Variants in SLC7A6 observed in about 807,000 individuals in gnomAD.
SLC7A6 encodes the protein solute carrier family 7 member 6.
In SLC7A6, 29 loss-of-function variants were observed where a neutral mutation model predicts 46.6. The ratio of observed to expected loss-of-function variants is 0.62; its 90% CI spans 0.46 to 0.85. The LOEUF (loss-of-function observed/expected upper bound fraction) is 0.85. Ranked by LOEUF, SLC7A6 falls within the 40% of genes least tolerant of loss-of-function variation. The pLI is 0.00. For synonymous variants in SLC7A6, 276 were observed against 257.3 expected, an observed-to-expected ratio of 1.07 and a Z score of -0.70; for missense variants, 527 against 647.6, an observed-to-expected ratio of 0.81 and a Z score of 2.02.
rs1350088078 is a variant in SLC7A6 at position 68,301,501 on chromosome 16, A to T, written c.*4173A>T. On this transcript the variant is annotated 3_prime_UTR_variant, in exon 11 of 11. Coordinates refer to ENST00000219343, the MANE Select transcript of SLC7A6 (RefSeq NM_003983.6). ...TCAGAAAGGTCTGTTTTTGTTCCCG[A>T]TTGTAATGCAAAATCCTTGCTCAAT... is the stretch of plus-strand genomic sequence containing the variant. 1.0e-6 allele frequency: 1 copy of T among 989,788 alleles called. No individual in the cohort carries two copies. Among genetic ancestry groups the T allele is most frequent in the Non-Finnish European group, 1.5e-6 (1 of 680,088 alleles). The allele number at this position is 989,788 out of a possible 1,614,324, so 61.3% of individuals were successfully genotyped here.
chr16:68,277,589 G>A (rs985709185), intron 3 of SLC7A6, among the ~76,000 whole-genome samples: 1 of 151,868 alleles, frequency 6.6e-6, no homozygotes, highest in Non-Finnish European at 1.5e-5. Context: ...GGGATTACAG[G>A]TGTGAGCCAC....
At chr16:68,290,607 G>A (rs2043029556) in intron 5 of SLC7A6, 67 bp downstream of exon 5, 2 of 1,578,304 alleles carry the variant, frequency 1.3e-6, no homozygotes, top group Non-Finnish European at 1.7e-6. Context: ...GGGCGTGCCT[G>A]CCCTCATCCT....
chr16:68,290,418 C>T lies in SLC7A6; in HGVS notation c.672C>T (p.Asp224=), dbSNP rs375134061. The T allele has an allele frequency of 4.1e-5, 66 of 1,614,102 alleles. No homozygotes were observed. In the East Asian group the frequency reaches 5.1e-4, roughly 13 times the overall value. ...LCQGHSEHFQ[D]AFEGSSWDMG... is the part of the protein sequence containing the mutation. Reference sequence around the variant, plus strand: ...CAGGACACTCTGAGCACTTTCAGGACGCCTTTGAGGGTTCCTCCTGGGACA... The same window carrying T: ...CAGGACACTCTGAGCACTTTCAGGATGCCTTTGAGGGTTCCTCCTGGGACA... The change falls in exon 5 of 11, where the codon GAC becomes GAT. Residue 224 remains aspartate, a synonymous_variant. Coordinates refer to ENST00000219343, the MANE Select transcript of SLC7A6 (RefSeq NM_003983.6).
At chr16:68,295,379 T>TTGA (rs2043141855) in intron 8 of SLC7A6, among the ~76,000 whole-genome samples, 1 of 152,232 alleles carries the variant, frequency 6.6e-6, no homozygotes, top group Non-Finnish European at 1.5e-5. Context: ...AAAAATTCTC[T>TTGA]TGATATTTTG....
intron 2 of SLC7A6, among the ~76,000 whole-genome samples, chr16:68,267,620 T>A (rs2042557762): frequency 6.6e-6 from 1 of 152,176 alleles, no homozygotes; most frequent in Admixed American, 6.5e-5. Context: ...TATTTCTCTG[T>A]GATATAGCAA....
rs1332176435 is a variant in SLC7A6 at position 68,291,335 on chromosome 16, G to A, written c.918+3G>A. On this transcript the variant is annotated splice_donor_region_variant and intron_variant, in intron 6 of 10. Transcript: ENST00000219343. The stretch of plus-strand genomic sequence containing the variant: ...TTAGCAGTGATGCTGTGGCTGTGGT[G>A]AGTCTCTTGGGATCCCCATTTGTTC... 6.2e-7 allele frequency: 1 copy of A among 1,613,740 alleles called. No individual in the cohort carries two copies. The highest frequency in any genetic ancestry group is 1.3e-5 in the African/African-American group (1 of 74,918).
chr16:68,296,643 C>G lies in SLC7A6; in HGVS notation c.1286C>G (p.Pro429Arg). Residue 429 changes from proline (P) to arginine (R), a missense_variant, in exon 10 of 11, where the codon CCC becomes CGC. By Grantham distance (103) the Pro-to-Arg change is moderately radical (BLOSUM62 -2). Coordinates refer to ENST00000219343, the MANE Select transcript of SLC7A6 (RefSeq NM_003983.6). ...CTATTTCAGCTGAGCGTGTTTTTCC[C>G]CATCGTGTTCTGCATATGCTCCGTG... Reference protein sequence around the residue: ...PRPLKLSVFFPIVFCICSVFL... With the variant: ...PRPLKLSVFFRIVFCICSVFL... 1 of 1,614,180 alleles carries G rather than the reference C, an allele frequency of 6.2e-7. No homozygotes were observed. The highest frequency in any genetic ancestry group is 8.5e-7 in the Non-Finnish European group (1 of 1,180,040).
intron 1 of SLC7A6, among the ~76,000 whole-genome samples, chr16:68,265,012 G>T (rs185056633): frequency 3.3e-5 from 5 of 152,350 alleles, no homozygotes; most frequent in Non-Finnish European, 5.9e-5. Context: ...CTGTGACTGC[G>T]CCTCCGACTG....
intron 3 of SLC7A6, among the ~76,000 whole-genome samples, chr16:68,277,304 C>G (rs982017329): frequency 3.0e-5 from 2 of 66,160 alleles, no homozygotes; most frequent in Non-Finnish European, 6.0e-5. Flanking sequence ...TCAAGCTGGT[C>G]GAGAAGAGTA....
rs759798067 is a variant in SLC7A6 at position 68,296,724 on chromosome 16, G to C, written c.1367G>C (p.Gly456Ala). Reference protein sequence around the residue: ...TDTINSLIGIGIALSGVPFYF... With the variant: ...TDTINSLIGIAIALSGVPFYF... ...ACCATTAATTCCCTCATTGGCATCG[G>C]GATTGCCCTTTCTGGAGTCCCTTTC... The change falls in exon 10 of 11, where the codon GGG becomes GCG. Residue 456 changes from glycine to alanine, a missense_variant. Transcript: ENST00000219343. 8 of 1,614,034 alleles carry C rather than the reference G, an allele frequency of 5.0e-6. No individual in the cohort carries two copies. The African/African-American group carries it at 5.3e-5, about 11-fold the overall frequency.
chr16:68,272,822 G>T (rs553407173), intron 2 of SLC7A6, among the ~76,000 whole-genome samples: 16 of 152,296 alleles, frequency 1.1e-4, no homozygotes, highest in Middle Eastern at 3.4e-3. Flanking sequence ...ATGTTGACTT[G>T]GGTAGAAAAG....
intron 3 of SLC7A6, among the ~76,000 whole-genome samples, chr16:68,283,312 C>T (rs2042862960): frequency 6.6e-6 from 1 of 152,238 alleles, no homozygotes; most frequent in Non-Finnish European, 1.5e-5. Flanking sequence ...TTCCTTCTGT[C>T]TTCCTGCCAT....
chr16:68,301,373 C>A lies in SLC7A6; in HGVS notation c.*4045C>A. On this transcript the variant is annotated 3_prime_UTR_variant, in exon 11 of 11. Coordinates refer to ENST00000219343, the MANE Select transcript of SLC7A6 (RefSeq NM_003983.6). ...ATCCGCTGTCTGCTGCTGCCTCTTT[C>A]CTCCTCACTCAGGCTGTTGTAGTCA... is the stretch of plus-strand genomic sequence containing the variant. 6.2e-7 allele frequency: 1 copy of A among 1,614,148 alleles called. No homozygotes were observed. The highest frequency in any genetic ancestry group is 8.5e-7 in the Non-Finnish European group (1 of 1,180,002).
rs1204809748 is a variant in SLC7A6 at position 68,287,594 on chromosome 16, TC to T, written c.524-148del. On this transcript the variant is annotated intron_variant, in intron 3 of 10. Coordinates refer to ENST00000219343, the MANE Select transcript of SLC7A6 (RefSeq NM_003983.6). ...TGTCAGCTGGGGCGGGTGCAGGGTG[TC>T]CCCTCGCTTGCCAGTTCGCCTTGTT... 47 of 1,491,548 alleles carry T rather than the reference TC, an allele frequency of 3.2e-5. No homozygotes were observed. In the East Asian group the frequency reaches 8.2e-4, roughly 26 times the overall value. The allele number at this position is 1,491,548 out of a possible 1,614,324, so 92.4% of individuals were successfully genotyped here.
chr16:68,266,300 G>T (rs1361592649), intron 1 of SLC7A6, among the ~76,000 whole-genome samples: 1 of 152,160 alleles, frequency 6.6e-6, no homozygotes, highest in East Asian at 1.9e-4. Context: ...GTGCCCACGG[G>T]ACCTGGGGCC....
At chr16:68,296,887 C>A in intron 10 of SLC7A6, 77 bp downstream of exon 10, 2 of 1,476,266 alleles carry the variant, frequency 1.4e-6, no homozygotes, top group Non-Finnish European at 1.8e-6. Flanking sequence ...TGGCTAACAG[C>A]TTCCCCATAC....
At chr16:68,288,562 A>G (rs912092441) in intron 4 of SLC7A6, among the ~76,000 whole-genome samples, 1 of 152,176 alleles carries the variant, frequency 6.6e-6, no homozygotes, top group Non-Finnish European at 1.5e-5. Context: ...TCTCTAGGTC[A>G]TCAGTCCCTA....
At position 68,301,734 on chromosome 16, in the gene SLC7A6, GTTA is replaced by G. The variant is rs1163400662; in HGVS notation, c.*4409_*4411del. 3 of 177,490 alleles carry G rather than the reference GTTA, an allele frequency of 1.7e-5. No individual in the cohort carries two copies. The highest frequency in any genetic ancestry group is 2.4e-5 in the African/African-American group (1 of 42,216). 11.0% of individuals were successfully genotyped at this position (177,490 alleles called of 1,614,324 possible). On this transcript the variant is annotated 3_prime_UTR_variant, in exon 11 of 11. Transcript: ENST00000219343. ...TTTTGTACCTTTCTCCTTTTAACGTGTTATTGACAAACCTCCCCAAAAGAATAT... is the reference window on the plus strand; with the variant it reads ...TTTTGTACCTTTCTCCTTTTAACGTGTTGACAAACCTCCCCAAAAGAATAT...
At chr16:68,281,244 T>C (rs1358359519) in intron 3 of SLC7A6, among the ~76,000 whole-genome samples, 1 of 152,234 alleles carries the variant, frequency 6.6e-6, no homozygotes, top group Non-Finnish European at 1.5e-5. Context: ...TTTTGCAGAT[T>C]TCAGGCTATT....
Sources: allele counts gnomAD v4.1 joint callset (sites outside exome capture counted in the v4.1 genomes callset), GRCh38; gene constraint gnomAD v4.1.1; transcripts MANE v1.5; gene names NCBI Gene and HGNC (gene_info 2026-07-23, HGNC 2026-07-21).